CHCHD6: variants seen among roughly 807,000 people sequenced by gnomAD.
The protein encoded by CHCHD6 is MICOS complex subunit MIC25.
CHCHD6 carries 28 observed loss-of-function variants against 32.3 expected under a neutral mutation model. The observed-to-expected ratio is 0.87, with a 90% CI of 0.64 to 1.19. The LOEUF is 1.19. Among genes scored for constraint, CHCHD6 ranks in the 50% most tolerant of loss-of-function variants. The pLI is 0.00. For synonymous variants in CHCHD6, 122 were observed against 117.5 expected (o/e 1.04, Z -0.25); for missense variants, 333 against 307.0 (o/e 1.08, Z -0.63).
At chr3:126,745,746 C>T (rs1376544755) in intron 4 of CHCHD6, among the ~76,000 whole-genome samples, 1 of 152,160 alleles carries the variant, frequency 6.6e-6, no homozygotes, top group African/African-American at 2.4e-5. Context: ...CCTTCCAGAT[C>T]CCACTAGTTG....
chr3:126,891,351 C>T (rs2077757353), intron 5 of CHCHD6, among the ~76,000 whole-genome samples: 1 of 152,118 alleles, frequency 6.6e-6, no homozygotes, highest in Admixed American at 6.5e-5. Context: ...GAAGGCAGAG[C>T]TGACAGCAGG....
At chr3:126,958,215 C>T (rs1034667717) in intron 7 of CHCHD6, among the ~76,000 whole-genome samples, 1 of 151,834 alleles carries the variant, frequency 6.6e-6, no homozygotes, top group Non-Finnish European at 1.5e-5. Flanking sequence ...TCCCAGGTCC[C>T]GTAGCGTCCT....
At chr3:126,928,975 A>G (rs1195607582) in intron 6 of CHCHD6, among the ~76,000 whole-genome samples, 1 of 152,242 alleles carries the variant, frequency 6.6e-6, no homozygotes, top group Non-Finnish European at 1.5e-5. Context: ...TCATCTCTGT[A>G]TAGCCCTGGC....
At chr3:126,872,948 G>A (rs181453440) in intron 5 of CHCHD6, among the ~76,000 whole-genome samples, 44 of 152,322 alleles carry the variant, frequency 2.9e-4, no homozygotes, top group Non-Finnish European at 5.4e-4. Flanking sequence ...CTCAACACAG[G>A]AGTGTACTTT....
At chr3:126,716,847 G>T (rs971642135) in intron 1 of CHCHD6, among the ~76,000 whole-genome samples, 9 of 152,124 alleles carry the variant, frequency 5.9e-5, no homozygotes, top group Non-Finnish European at 1.2e-4. Context: ...AGACAGGGGA[G>T]TCGGGGAAAT....
At chr3:126,762,852 G>A (rs971798594) in intron 4 of CHCHD6, among the ~76,000 whole-genome samples, 5 of 152,026 alleles carry the variant, frequency 3.3e-5, no homozygotes, top group Non-Finnish European at 7.4e-5. Flanking sequence ...TGTACTTAAA[G>A]TCTACTTTAT....
At chr3:126,763,535 C>A (rs1937241678) in intron 4 of CHCHD6, among the ~76,000 whole-genome samples, 2 of 151,994 alleles carry the variant, frequency 1.3e-5, no homozygotes, top group African/African-American at 4.8e-5. Flanking sequence ...AAGATGGGGT[C>A]TTGTTATGTT....
chr3:126,718,993 C>T (rs1352364257), intron 1 of CHCHD6, among the ~76,000 whole-genome samples: 2 of 152,200 alleles, frequency 1.3e-5, no homozygotes, highest in East Asian at 1.9e-4. Context: ...CAAACCAAGT[C>T]GTGTGGTTCC....
chr3:126,951,398 C>T (rs1308916259), intron 6 of CHCHD6, among the ~76,000 whole-genome samples: 1 of 152,170 alleles, frequency 6.6e-6, no homozygotes, highest in African/African-American at 2.4e-5. Context: ...GGGAAGACTT[C>T]ATGGAAGCTT....
At chr3:126,943,733 A>T (rs2078595718) in intron 6 of CHCHD6, among the ~76,000 whole-genome samples, 1 of 151,958 alleles carries the variant, frequency 6.6e-6, no homozygotes, top group South Asian at 2.1e-4. Flanking sequence ...TGCAATACTT[A>T]GGGTTTACCA....
At chr3:126,941,726 C>T (rs2078563153) in intron 6 of CHCHD6, among the ~76,000 whole-genome samples, 2 of 152,190 alleles carry the variant, frequency 1.3e-5, no homozygotes, top group African/African-American at 2.4e-5. Flanking sequence ...TTACATGTTA[C>T]AGAATTTGCT....
intron 5 of CHCHD6, among the ~76,000 whole-genome samples, chr3:126,912,072 GC>G (rs1328223561): frequency 6.6e-6 from 1 of 152,038 alleles, no homozygotes; most frequent in Non-Finnish European, 1.5e-5. Context: ...GGTGCTGTGT[GC>G]CAAGATGTCT....
At chr3:126,823,522 TTTC>T (rs1940240845) in intron 4 of CHCHD6, among the ~76,000 whole-genome samples, 1 of 152,240 alleles carries the variant, frequency 6.6e-6, no homozygotes, top group Non-Finnish European at 1.5e-5. Context: ...TAATTTTTTA[TTTC>T]TTGTTAGTAT....
chr3:126,785,683 G>A (rs968664403), intron 4 of CHCHD6, among the ~76,000 whole-genome samples: 4 of 152,042 alleles, frequency 2.6e-5, no homozygotes, highest in East Asian at 1.9e-4. Context: ...TTTTACAGCC[G>A]TATCACTATG....
At chr3:126,755,065 G>A (rs556110883) in intron 4 of CHCHD6, among the ~76,000 whole-genome samples, 1 of 152,354 alleles carries the variant, frequency 6.6e-6, no homozygotes, top group African/African-American at 2.4e-5. Context: ...CTGGAAAAGA[G>A]GAGGCCAGCT....
At chr3:126,862,278 T>TCC (rs1941938089) in intron 5 of CHCHD6, among the ~76,000 whole-genome samples, 1 of 20,652 alleles carries the variant, frequency 4.8e-5, no homozygotes, top group Non-Finnish European at 1.0e-4. Flanking sequence ...CCTCCTCCTC[T>TCC]ACCATCACCA....
At chr3:126,947,953 C>A (rs2078662834) in intron 6 of CHCHD6, among the ~76,000 whole-genome samples, 1 of 152,176 alleles carries the variant, frequency 6.6e-6, no homozygotes, top group African/African-American at 2.4e-5. Flanking sequence ...ATTGGAGACA[C>A]CATGTGCAGA....
intron 4 of CHCHD6, among the ~76,000 whole-genome samples, chr3:126,838,123 C>T (rs1940934685): frequency 6.6e-6 from 1 of 152,186 alleles, no homozygotes; most frequent in Non-Finnish European, 1.5e-5. Flanking sequence ...GACTAATTTT[C>T]ATGAGGCTTT....
intron 5 of CHCHD6, among the ~76,000 whole-genome samples, chr3:126,873,053 G>T (rs2077497140): frequency 6.6e-6 from 1 of 152,186 alleles, no homozygotes; most frequent in African/African-American, 2.4e-5. Flanking sequence ...CTTGAACACG[G>T]CTGGTCGTAA....
Sources: allele counts gnomAD v4.1 joint callset (sites outside exome capture counted in the v4.1 genomes callset), GRCh38; gene constraint gnomAD v4.1.1; transcripts MANE v1.5; gene names NCBI Gene and HGNC (gene_info 2026-07-23, HGNC 2026-07-21).